Variants in RGS7 observed in about 807,000 individuals in gnomAD.
RGS7 encodes the protein regulator of G protein signaling 7.
In RGS7, 27 loss-of-function variants were observed where a neutral mutation model predicts 81.1. The ratio of observed to expected loss-of-function variants is 0.33; its 90% CI spans 0.25 to 0.46. The LOEUF is 0.46. Ranked by LOEUF, RGS7 falls within the 20% of genes least tolerant of loss-of-function variation. The pLI, the probability that RGS7 is intolerant of heterozygous loss-of-function variation, is 1.00. For missense variants in RGS7, 396 were observed against 607.4 expected, an observed-to-expected ratio of 0.65 and a Z score of 3.66; for synonymous variants, 208 against 207.7, an observed-to-expected ratio of 1.00 and a Z score of -0.01.
intron 3 of RGS7, chr1:240,998,824 C>T (rs1173649258): frequency 3.2e-5 from 19 of 600,432 alleles, no homozygotes; most frequent in Non-Finnish European, 5.4e-5. Context: ...CTGGCGCTGC[C>T]GGACGCGGAT....
chr1:241,088,384 G>A (rs1186503478), intron 3 of RGS7, among the ~76,000 whole-genome samples: 1 of 151,920 alleles, frequency 6.6e-6, no homozygotes, highest in Non-Finnish European at 1.5e-5. Flanking sequence ...TGAGGTAAAG[G>A]CAATTGAGAA....
intron 2 of RGS7, among the ~76,000 whole-genome samples, chr1:241,296,754 T>TG (rs2079449038): frequency 6.6e-6 from 1 of 152,242 alleles, no homozygotes; most frequent in Non-Finnish European, 1.5e-5. Context: ...TGTGTGGGAC[T>TG]CAGTCTGGCT....
At chr1:240,778,427 G>A (rs919757341) in intron 18 of RGS7, among the ~76,000 whole-genome samples, 15 of 152,212 alleles carry the variant, frequency 9.9e-5, no homozygotes, top group Admixed American at 7.9e-4. Context: ...ATGAACAGCA[G>A]CAATGAAAAT....
chr1:240,931,281 T>A (rs1370745491), intron 5 of RGS7, among the ~76,000 whole-genome samples: 1 of 152,262 alleles, frequency 6.6e-6, no homozygotes, highest in Non-Finnish European at 1.5e-5. Context: ...GTTCTCAGCA[T>A]TGTCCAATGA....
intron 1 of RGS7, among the ~76,000 whole-genome samples, chr1:241,356,386 G>T (rs2083571376): frequency 6.6e-6 from 1 of 152,110 alleles, no homozygotes. Flanking sequence ...TATATGCTTC[G>T]CCTACTTTCA....
chr1:241,165,068 A>T (rs778279625), intron 2 of RGS7, among the ~76,000 whole-genome samples: 46 of 152,196 alleles, frequency 3.0e-4, no homozygotes, highest in Non-Finnish European at 5.3e-4. Context: ...TAACTTTGGC[A>T]AGGAGCTAGA....
chr1:241,108,485 GC>G (rs1192212034), intron 2 of RGS7, among the ~76,000 whole-genome samples: 4 of 152,116 alleles, frequency 2.6e-5, no homozygotes, highest in African/African-American at 9.7e-5. Flanking sequence ...GTAAGTATTT[GC>G]CCCGAGGTAG....
At chr1:241,030,373 T>TATATATATACACAC (rs374223475) in intron 3 of RGS7, among the ~76,000 whole-genome samples, 1 of 135,238 alleles carries the variant, frequency 7.4e-6, no homozygotes, top group African/African-American at 2.8e-5. Flanking sequence ...TATATATATA[T>TATATATATACACAC]ACATACACAC....
At chr1:241,268,703 C>T (rs1339369929) in intron 2 of RGS7, among the ~76,000 whole-genome samples, 2 of 152,094 alleles carry the variant, frequency 1.3e-5, no homozygotes, top group African/African-American at 4.8e-5. Context: ...GTATCTAGAG[C>T]CCCCAGTCAT....
chr1:241,081,388 C>T (rs1404465330), intron 3 of RGS7, among the ~76,000 whole-genome samples: 1 of 152,218 alleles, frequency 6.6e-6, no homozygotes, highest in African/African-American at 2.4e-5. Context: ...CCCCAAACTT[C>T]CAGAAAGTTG....
intron 10 of RGS7, among the ~76,000 whole-genome samples, chr1:240,823,892 T>C (rs1361086421): frequency 7.1e-6 from 1 of 140,160 alleles, no homozygotes; most frequent in East Asian, 2.3e-4. Flanking sequence ...ACAGTAAAAA[T>C]TTTAGTATCG....
rs71172643 is a variant in RGS7 at position 240,779,099 on chromosome 1, T to TTGTGTGTG, written c.*7-2894_*7-2887dup. ...CTCTCATTAATGGGATTAGTGTTCT[T>TTGTGTGTG]TGTGTGTGTGTGTGTGTGTGTGTGT... On this transcript the variant is annotated intron_variant, in intron 18 of 18. Transcript: ENST00000440928. Among the ~76,000 whole-genome samples the TTGTGTGTG allele has an allele frequency of 7.7e-3, 1,111 of 144,284 alleles. 16 individuals carry two copies. The highest frequency in any genetic ancestry group is 0.026 in the African/African-American group (1,025 of 38,898). 94.7% of individuals were successfully genotyped at this position (144,284 alleles called of 152,430 possible). A position where few individuals can be genotyped will look rare whatever the true frequency, so the allele number is the denominator to read the frequency against.
At chr1:240,963,280 T>C (rs185094489) in intron 4 of RGS7, among the ~76,000 whole-genome samples, 216 of 152,276 alleles carry the variant, frequency 1.4e-3, no homozygotes, top group African/African-American at 4.9e-3. Flanking sequence ...TAGAGATCTA[T>C]AGCAGACAAG....
intron 3 of RGS7, among the ~76,000 whole-genome samples, chr1:241,079,847 T>C (rs2063036283): frequency 1.3e-5 from 2 of 152,072 alleles, no homozygotes; most frequent in Non-Finnish European, 2.9e-5. Flanking sequence ...TATTTATTTA[T>C]TTATTTATTT....
chr1:240,967,117 T>G (rs182120461), intron 4 of RGS7, among the ~76,000 whole-genome samples: 1 of 152,256 alleles, frequency 6.6e-6, no homozygotes, highest in African/African-American at 2.4e-5. Context: ...AGGGGTGGTG[T>G]TTGTCATGTC....
chr1:241,055,761 G>A (rs1553403278), intron 3 of RGS7, among the ~76,000 whole-genome samples: 2 of 152,146 alleles, frequency 1.3e-5, no homozygotes, highest in Non-Finnish European at 1.5e-5. Context: ...GAGTGGAGAT[G>A]AAAGTTCTAA....
intron 3 of RGS7, among the ~76,000 whole-genome samples, chr1:241,047,884 C>T (rs1340148547): frequency 4.6e-5 from 7 of 151,858 alleles, no homozygotes; most frequent in African/African-American, 9.7e-5. Flanking sequence ...GGATTACAAG[C>T]GTGCACCACC....
intron 4 of RGS7, among the ~76,000 whole-genome samples, 175 bp downstream of exon 4, chr1:240,982,904 G>T (rs369079957): frequency 1.2e-4 from 19 of 152,240 alleles, no homozygotes; most frequent in African/African-American, 2.2e-4. Flanking sequence ...CTAACTTTCA[G>T]TGAAATATGT....
chr1:241,068,264 T>TA (rs60506601), intron 3 of RGS7, among the ~76,000 whole-genome samples: 7 of 100,680 alleles, frequency 7.0e-5, no homozygotes, highest in Middle Eastern at 4.8e-3. Flanking sequence ...ATATAAAATA[T>TA]TGTGTATATA....
Sources: gnomAD v4.1 joint callset for allele counts (sites outside exome capture counted in the v4.1 genomes callset) on GRCh38, gnomAD v4.1.1 for gene constraint, MANE v1.5 for transcripts, NCBI Gene and HGNC (gene_info 2026-07-23, HGNC 2026-07-21) for gene names.